The following HECW2 variants were observed in gnomAD, a reference collection of about 807,000 sequenced individuals.
HECW2 encodes E3 ubiquitin-protein ligase HECW2.
A neutral mutation model predicts 175.2 loss-of-function variants in HECW2; 61 were observed. The observed-to-expected ratio is 0.35, with a 90% CI of 0.28 to 0.43. The LOEUF is 0.43. Among genes scored for constraint, HECW2 ranks in the 20% least tolerant of loss-of-function variants. The pLI is 1.00. For synonymous variants in HECW2, 671 were observed against 731.0 expected (o/e 0.92, Z 1.32); for missense variants, 1,524 against 2,000.5 (o/e 0.76, Z 4.54).
intron 2 of HECW2, 135 bp from the exon 3 acceptor site, chr2:196,343,899 C>A: frequency 1.6e-6 from 1 of 618,352 alleles, no homozygotes; most frequent in East Asian, 2.9e-5. Context: ...TTAATGACTA[C>A]CTCCCAGCAG....
rs115322149 is a variant in HECW2, at chr2:196,339,101, A to G, written c.400+4556T>C. Among the ~76,000 whole-genome samples the G allele has an allele frequency of 8.9e-3, 1,363 of 152,326 alleles. 8 individuals carry two copies. The highest frequency in any genetic ancestry group is 0.017 in the South Asian group (83 of 4,832). On this transcript the variant is annotated intron_variant, in intron 3 of 28. Transcript: ENST00000644978. ...AGAGAACTAACTGGGCCTAAAATAT[A>G]AAGTGTGAAGATGGGGGATGAAAAG...
At chr2:196,559,811 A>T (rs17245422) in intron 1 of HECW2, among the ~76,000 whole-genome samples, 20,816 of 152,234 alleles carry the variant, frequency 0.14, 1,507 homozygotes, top group Middle Eastern at 0.24. Flanking sequence ...ATACATCTTA[A>T]ATCTCACAAG....
chr2:196,490,764 T>A (rs1386880723), intron 1 of HECW2, among the ~76,000 whole-genome samples: 1 of 152,232 alleles, frequency 6.6e-6, no homozygotes, highest in Non-Finnish European at 1.5e-5. Context: ...AATGGAATAC[T>A]ATTCAGCCAT....
intron 23 of HECW2, 148 bp from the exon 24 acceptor site, chr2:196,222,488 G>A: frequency 1.5e-6 from 1 of 665,766 alleles, no homozygotes. Flanking sequence ...TCCAAGTCCA[G>A]TAATTAAACC....
At chr2:196,383,785 A>G (rs1694272245) in intron 2 of HECW2, among the ~76,000 whole-genome samples, 1 of 152,232 alleles carries the variant, frequency 6.6e-6, no homozygotes, top group Non-Finnish European at 1.5e-5. Context: ...TAAATCATTC[A>G]GTAGTGGCCC....
At chr2:196,256,760 C>T (rs1043367677) in intron 18 of HECW2, among the ~76,000 whole-genome samples, 1 of 152,200 alleles carries the variant, frequency 6.6e-6, no homozygotes, top group Non-Finnish European at 1.5e-5. Context: ...ATACTATATG[C>T]TGGTTTCACA....
intron 17 of HECW2, chr2:196,260,381 TTTC>T (rs1437523193): frequency 1.3e-5 from 2 of 152,182 alleles, no homozygotes; most frequent in African/African-American, 4.8e-5. Flanking sequence ...CAGTAAGTAC[TTTC>T]TTATGTTGAT....
At chr2:196,589,020 G>A (rs1210184287) in intron 1 of HECW2, among the ~76,000 whole-genome samples, 2 of 152,096 alleles carry the variant, frequency 1.3e-5, no homozygotes, top group Non-Finnish European at 2.9e-5. Flanking sequence ...CCAACATGGT[G>A]AAATCCTGTC....
chr2:196,470,514 T>A lies in HECW2; in HGVS notation c.-35-37056A>T, dbSNP rs184746914. On this transcript the variant is annotated intron_variant, in intron 1 of 28. Transcript: ENST00000644978. The stretch of plus-strand genomic sequence containing the variant: ...TTCGTCTCTTGCTTTCATATTGAAG[T>A]TGTGTTTTGGAGTTTTGTTTTGTTT... 2.9e-3 allele frequency among the ~76,000 whole-genome samples: 438 copies of A among 152,294 alleles called. 10 individuals carry two copies. Among genetic ancestry groups the A allele is most frequent in the Non-Finnish European group, 3.8e-4 (26 of 68,014 alleles).
chr2:196,345,292 G>C (rs1397033740), intron 2 of HECW2, among the ~76,000 whole-genome samples: 1 of 152,202 alleles, frequency 6.6e-6, no homozygotes, highest in Non-Finnish European at 1.5e-5. Context: ...GACCCTGCTT[G>C]CTGCATAACC....
At chr2:196,274,895 T>A (rs916218026) in intron 15 of HECW2, among the ~76,000 whole-genome samples, 2 of 152,212 alleles carry the variant, frequency 1.3e-5, no homozygotes, top group African/African-American at 4.8e-5. Flanking sequence ...TTCCCCCATA[T>A]TACAGAAATC....
intron 1 of HECW2, among the ~76,000 whole-genome samples, chr2:196,445,938 T>C (rs573206777): frequency 1.3e-5 from 2 of 152,350 alleles, no homozygotes; most frequent in East Asian, 1.9e-4. Flanking sequence ...CCCTCTTCCA[T>C]TCTTGATTTT....
intron 1 of HECW2, among the ~76,000 whole-genome samples, chr2:196,530,686 A>T (rs1441357550): frequency 1.3e-5 from 2 of 152,364 alleles, no homozygotes; most frequent in East Asian, 3.9e-4. Context: ...AAACAACTAA[A>T]TATAACAATT....
At chr2:196,221,974 G>T (rs2105820389) in intron 24 of HECW2, among the ~76,000 whole-genome samples, 1 of 152,308 alleles carries the variant, frequency 6.6e-6, no homozygotes, top group East Asian at 1.9e-4. Context: ...ATAAAAAGAA[G>T]ATTGCTTACA....
intron 1 of HECW2, among the ~76,000 whole-genome samples, chr2:196,542,760 C>CAT (rs969789237): frequency 3.0e-4 from 45 of 149,880 alleles, no homozygotes; most frequent in Middle Eastern, 7.1e-3. Flanking sequence ...TATATATGTG[C>CAT]ATATATATAT....
intron 10 of HECW2, among the ~76,000 whole-genome samples, chr2:196,314,149 T>C (rs566829602): frequency 6.6e-6 from 1 of 152,308 alleles, no homozygotes; most frequent in Admixed American, 6.5e-5. Flanking sequence ...AGCACATCTA[T>C]CTGGACCACA....
chr2:196,378,437 CATT>C, intron 2 of HECW2, among the ~76,000 whole-genome samples: 1 of 152,312 alleles, frequency 6.6e-6, no homozygotes, highest in Middle Eastern at 3.4e-3. Context: ...TAGCTTTCCC[CATT>C]GGCCCAATTA....
At chr2:196,320,091 T>C (rs923313822) in intron 8 of HECW2, among the ~76,000 whole-genome samples, 187 bp from the exon 9 acceptor site, 1 of 152,212 alleles carries the variant, frequency 6.6e-6, no homozygotes. Context: ...ACAGGAGCTA[T>C]GTATGTTAGC....
intron 28 of HECW2, among the ~76,000 whole-genome samples, chr2:196,206,171 T>C (rs1395502627): frequency 3.3e-5 from 5 of 152,198 alleles, no homozygotes; most frequent in Admixed American, 1.3e-4. Context: ...TAAAAGAACA[T>C]TTTTCAAATC....
Sources: allele counts gnomAD v4.1 joint callset (sites outside exome capture counted in the v4.1 genomes callset), GRCh38; gene constraint gnomAD v4.1.1; transcripts MANE v1.5; gene names NCBI Gene and HGNC (gene_info 2026-07-23, HGNC 2026-07-21).